The following ZRANB3 variants were observed in gnomAD, a reference collection of about 807,000 sequenced individuals.
The protein encoded by ZRANB3 is DNA annealing helicase and endonuclease ZRANB3.
ZRANB3 carries 125 observed loss-of-function variants against 133.8 expected under a neutral mutation model. The ratio of observed to expected loss-of-function variants is 0.93; its 90% CI spans 0.81 to 1.08. The LOEUF is 1.08. ZRANB3 is among the 50% of genes least tolerant of loss of function. The pLI is 0.00. For synonymous variants in ZRANB3, 387 were observed against 432.7 expected (o/e 0.89, Z 1.31); for missense variants, 1,229 against 1,275.5 (o/e 0.96, Z 0.56).
chr2:135,483,536 C>T (rs1164531446), intron 2 of ZRANB3, among the ~76,000 whole-genome samples: 1 of 151,848 alleles, frequency 6.6e-6, no homozygotes, highest in Admixed American at 6.6e-5. Flanking sequence ...AGTGGTCTAT[C>T]AATTTTGTTG....
chr2:135,443,743 G>C (rs1395809816), intron 2 of ZRANB3, among the ~76,000 whole-genome samples: 1 of 152,020 alleles, frequency 6.6e-6, no homozygotes, highest in South Asian at 2.1e-4. Flanking sequence ...TCAAGGTCAT[G>C]AAGGATAAGG....
intron 2 of ZRANB3, among the ~76,000 whole-genome samples, chr2:135,396,081 C>T (rs1299219818): frequency 1.3e-5 from 2 of 152,168 alleles, no homozygotes; most frequent in African/African-American, 4.8e-5. Context: ...TGCTCGACAG[C>T]ATTGATCATC....
chr2:135,331,988 C>T (rs1446177784), intron 6 of ZRANB3, among the ~76,000 whole-genome samples: 1 of 151,900 alleles, frequency 6.6e-6, no homozygotes, highest in African/African-American at 2.4e-5. Context: ...AATGAAACAA[C>T]TTATAAAGAC....
chr2:135,526,997 G>A (rs185997930), intron 1 of ZRANB3, among the ~76,000 whole-genome samples: 16 of 152,192 alleles, frequency 1.1e-4, no homozygotes, highest in Admixed American at 5.9e-4. Flanking sequence ...GAGTTGTCCC[G>A]CCTTTCTAAA....
Position 135,198,746 on chromosome 2 carries a change from A to C in ZRANB3, c.*1596T>G, listed in dbSNP as rs1377373811. On this transcript the variant is annotated 3_prime_UTR_variant, in exon 21 of 21. Transcript: ENST00000264159. ...ACTGCAAAGAGCACCTGACCAACTA[A>C]GCAGAAAGGAGGCCAAAGAAAGCCC... 1 of 152,226 alleles carries C rather than the reference A, an allele frequency of 6.6e-6. No homozygotes were observed. The highest frequency in any genetic ancestry group is 2.1e-4 in the South Asian group (1 of 4,822). 9.4% of individuals were successfully genotyped at this position (152,226 alleles called of 1,614,324 possible).
At position 135,242,975 on chromosome 2, in the gene ZRANB3, T is replaced by C. The variant is rs113629510; in HGVS notation, c.1540-12048A>G. On this transcript the variant is annotated intron_variant, in intron 12 of 20. Transcript: ENST00000264159. ...GCTCATTACATTGTCTCTGTTTCTTTTGTATCTCATTCTTGGCTTACATGT... is the reference window on the plus strand; with the variant it reads ...GCTCATTACATTGTCTCTGTTTCTTCTGTATCTCATTCTTGGCTTACATGT... 3.0e-3 allele frequency among the ~76,000 whole-genome samples: 452 copies of C among 152,354 alleles called. 3 individuals carry two copies. The highest frequency in any genetic ancestry group is 0.01 in the African/African-American group (421 of 41,584).
intron 8 of ZRANB3, among the ~76,000 whole-genome samples, chr2:135,301,914 C>A (rs1410032697): frequency 2.6e-5 from 4 of 152,166 alleles, no homozygotes; most frequent in Non-Finnish European, 4.4e-5. Context: ...CACCTTGCCA[C>A]ATAGTAGGCA....
chr2:135,490,551 T>C (rs1413550812), intron 2 of ZRANB3, among the ~76,000 whole-genome samples: 2 of 152,188 alleles, frequency 1.3e-5, no homozygotes, highest in Non-Finnish European at 1.5e-5. Context: ...TTGGTAGGAA[T>C]GTAAATCAGT....
At chr2:135,501,365 T>C (rs1227234898) in intron 2 of ZRANB3, among the ~76,000 whole-genome samples, 2 of 152,170 alleles carry the variant, frequency 1.3e-5, no homozygotes, top group African/African-American at 4.8e-5. Flanking sequence ...CCTTCCCTTT[T>C]GGGAAAATGT....
intron 8 of ZRANB3, among the ~76,000 whole-genome samples, chr2:135,303,782 T>C (rs893619825): frequency 6.6e-6 from 1 of 152,202 alleles, no homozygotes; most frequent in African/African-American, 2.4e-5. Flanking sequence ...TTCATGAACA[T>C]AATCTATCTG....
intron 6 of ZRANB3, among the ~76,000 whole-genome samples, chr2:135,339,824 C>T (rs7602199): frequency 0.27 from 40,745 of 152,058 alleles, 9,155 homozygotes; most frequent in African/African-American, 0.6. Context: ...TTTTGCACAT[C>T]TTTCTCAGTC....
At chr2:135,501,680 T>C (rs1692953907) in intron 2 of ZRANB3, among the ~76,000 whole-genome samples, 1 of 152,144 alleles carries the variant, frequency 6.6e-6, no homozygotes. Context: ...GATACACTAC[T>C]TCCTTTGATT....
At chr2:135,478,166 T>C (rs1691584631) in intron 2 of ZRANB3, among the ~76,000 whole-genome samples, 2 of 152,090 alleles carry the variant, frequency 1.3e-5, no homozygotes, top group African/African-American at 4.8e-5. Flanking sequence ...AATATATATA[T>C]ACATACACAC....
chr2:135,256,673 G>A (rs1679672304), intron 12 of ZRANB3, among the ~76,000 whole-genome samples: 1 of 152,220 alleles, frequency 6.6e-6, no homozygotes, highest in South Asian at 2.1e-4. Context: ...GCATGTGTCA[G>A]AGGCATTTGA....
At chr2:135,493,687 G>T (rs1405880440) in intron 2 of ZRANB3, among the ~76,000 whole-genome samples, 1 of 152,082 alleles carries the variant, frequency 6.6e-6, no homozygotes, top group Non-Finnish European at 1.5e-5. Context: ...CAGAGATGTG[G>T]ATCATCTAGA....
intron 6 of ZRANB3, 168 bp downstream of exon 6, chr2:135,345,382 C>T: frequency 7.7e-6 from 4 of 520,216 alleles, no homozygotes; most frequent in Non-Finnish European, 1.4e-5. Flanking sequence ...GCAGAAGAAT[C>T]GATTGAACCC....
rs766894189 is a variant in ZRANB3, at chr2:135,207,483, C to T, written c.2960G>A (p.Arg987Lys). ...CCAGGTAGCATACAGAAGATTCTTC[C>T]TCTGACTTTTAGGGGCATCTCTCAG... Reference protein sequence around the residue: ...LRLRDAPKSQRKNLLYATWTS... With the variant: ...LRLRDAPKSQKKNLLYATWTS... Residue 987 changes from arginine to lysine, a missense_variant, in exon 19 of 21, where the codon AGG becomes AAG. Coordinates refer to ENST00000264159, the MANE Select transcript of ZRANB3 (RefSeq NM_032143.4). The T allele has an allele frequency of 6.2e-7, 1 of 1,613,858 alleles. No homozygotes were observed. Among genetic ancestry groups the T allele is most frequent in the East Asian group, 2.2e-5 (1 of 44,880 alleles).
At chr2:135,416,932 T>A (rs1688604528) in intron 2 of ZRANB3, among the ~76,000 whole-genome samples, 2 of 152,124 alleles carry the variant, frequency 1.3e-5, no homozygotes, top group Admixed American at 6.6e-5. Context: ...CTGGATCCCT[T>A]CCTTACACCT....
intron 6 of ZRANB3, among the ~76,000 whole-genome samples, chr2:135,336,195 T>C (rs987020636): frequency 2.0e-5 from 3 of 152,240 alleles, no homozygotes; most frequent in Non-Finnish European, 4.4e-5. Context: ...GGTAGCTGGT[T>C]ACCTATACCC....
Sources: allele counts gnomAD v4.1 joint callset (sites outside exome capture counted in the v4.1 genomes callset), GRCh38; gene constraint gnomAD v4.1.1; transcripts MANE v1.5; gene names NCBI Gene and HGNC (gene_info 2026-07-23, HGNC 2026-07-21).